Variants in PDE4D observed in about 807,000 individuals in gnomAD.
PDE4D encodes phosphodiesterase 4D.
In PDE4D, 24 loss-of-function variants were observed where a neutral mutation model predicts 87.4. The ratio of observed to expected loss-of-function variants is 0.27; its 90% CI spans 0.20 to 0.39. PDE4D has a LOEUF of 0.39. Among genes scored for constraint, PDE4D ranks in the 10% least tolerant of loss-of-function variants. The pLI is 1.00. For synonymous variants in PDE4D, 384 were observed against 383.2 expected, an observed-to-expected ratio of 1.00 and a Z score of -0.02; for missense variants, 714 against 1,041.0, an observed-to-expected ratio of 0.69 and a Z score of 4.32.
At chr5:60,079,855 C>T (rs767816450) in intron 2 of PDE4D, among the ~76,000 whole-genome samples, 40 of 151,894 alleles carry the variant, frequency 2.6e-4, no homozygotes, top group Non-Finnish European at 4.3e-4. Context: ...TTTTGGCCAT[C>T]CAAAGTCTTA....
intron 2 of PDE4D, among the ~76,000 whole-genome samples, chr5:60,050,627 C>T (rs1009815833): frequency 5.9e-5 from 9 of 152,152 alleles, no homozygotes; most frequent in Non-Finnish European, 1.2e-4. Flanking sequence ...ACTGCATCAA[C>T]TAATGGGCAA....
At chr5:60,082,997 T>C (rs1774129185) in intron 2 of PDE4D, among the ~76,000 whole-genome samples, 1 of 152,172 alleles carries the variant, frequency 6.6e-6, no homozygotes, top group African/African-American at 2.4e-5. Flanking sequence ...GGTAGCCCCC[T>C]TTATTACTCT....
At chr5:59,636,053 C>T (rs1486543480) in intron 1 of PDE4D, among the ~76,000 whole-genome samples, 2 of 150,984 alleles carry the variant, frequency 1.3e-5, no homozygotes, top group African/African-American at 4.9e-5. Flanking sequence ...GATAAAAACT[C>T]AATGTACAAA....
chr5:60,370,872 C>T (rs1222703871), intron 1 of PDE4D, among the ~76,000 whole-genome samples: 2 of 151,792 alleles, frequency 1.3e-5, no homozygotes, highest in South Asian at 2.1e-4. Flanking sequence ...AGAGAGAAGG[C>T]GATTTTAGTA....
chr5:60,045,973 G>A lies in PDE4D; in HGVS notation c.43-57256C>T, dbSNP rs185732700. Among the ~76,000 whole-genome samples, 1,096 of 152,208 alleles carry A rather than the reference G, an allele frequency of 7.2e-3. 9 individuals are homozygous for A. Among genetic ancestry groups the A allele is most frequent in the African/African-American group, 0.024 (1,017 of 41,514 alleles). On this transcript the variant is annotated intron_variant, in intron 2 of 16. Coordinates refer to the PDE4D transcript ENST00000502484. The stretch of plus-strand genomic sequence containing the variant: ...CCTTGGGCAGTATGGCCATTTTCAC[G>A]ATATTGATTCTTCCTACCCATGAGC...
intron 1 of PDE4D, among the ~76,000 whole-genome samples, chr5:60,221,268 A>T (rs550531324): frequency 6.6e-5 from 10 of 152,286 alleles, no homozygotes; most frequent in Middle Eastern, 3.4e-3. Context: ...ACTGGGAAGT[A>T]CATCAAAATA....
chr5:59,916,479 CAT>C (rs1172781637), intron 3 of PDE4D, among the ~76,000 whole-genome samples: 1 of 152,194 alleles, frequency 6.6e-6, no homozygotes, highest in Non-Finnish European at 1.5e-5. Context: ...CTGGTCAAAA[CAT>C]GTGCCAACTG....
chr5:60,116,945 C>A (rs746188358), intron 2 of PDE4D, among the ~76,000 whole-genome samples: 2 of 151,934 alleles, frequency 1.3e-5, no homozygotes, highest in Non-Finnish European at 2.9e-5. Flanking sequence ...GAATAAAACA[C>A]CTTACTTTCA....
intron 1 of PDE4D, among the ~76,000 whole-genome samples, chr5:59,308,901 C>A (rs1036899172): frequency 6.6e-6 from 1 of 151,842 alleles, no homozygotes; most frequent in African/African-American, 2.4e-5. Flanking sequence ...CTCAGACTCT[C>A]CTTGGGTGAG....
rs1748387181 is a variant in PDE4D, at chr5:58,993,415, C to A, written c.972G>T (p.Arg324=). 1 of 1,600,596 alleles carries A rather than the reference C, an allele frequency of 6.2e-7. No homozygotes were observed. Among genetic ancestry groups the A allele is most frequent in the Non-Finnish European group, 8.5e-7 (1 of 1,174,258 alleles). The change falls in exon 7 of 15, where the codon CGG becomes CGT. Residue 324 remains arginine, a synonymous_variant. Transcript: ENST00000340635. The part of the protein sequence containing the change: ...RELTHLSEMS[R]SGNQVSEFIS... ...TAAACTCTGACACTTGATTTCCAGA[C>A]CGACTCATTTCAGAGAGATGGGTGA... is the stretch of plus-strand genomic sequence containing the variant.
intron 1 of PDE4D, among the ~76,000 whole-genome samples, chr5:59,645,004 G>A (rs1742214949): frequency 6.6e-6 from 1 of 152,176 alleles, no homozygotes; most frequent in South Asian, 2.1e-4. Flanking sequence ...TCAATGACTG[G>A]AGTGATTTAA....
At chr5:60,440,661 G>A (rs1296494267) in intron 1 of PDE4D, among the ~76,000 whole-genome samples, 2 of 152,106 alleles carry the variant, frequency 1.3e-5, no homozygotes, top group African/African-American at 4.8e-5. Flanking sequence ...TGCACAATGT[G>A]TTTAGAAATA....
chr5:59,761,382 A>T lies in PDE4D; in HGVS notation c.455+131786T>A, dbSNP rs373521528. Among the ~76,000 whole-genome samples, 7 of 152,216 alleles carry T rather than the reference A, an allele frequency of 4.6e-5. No individual in the cohort carries two copies. In the South Asian group the frequency reaches 1.0e-3, roughly 23 times the overall value. On this transcript the variant is annotated intron_variant, in intron 1 of 14. Coordinates refer to ENST00000340635, the MANE Select transcript of PDE4D (RefSeq NM_001104631.2). ...ATTTATAAATATTTTTATTTCTTTG[A>T]TATAAGTTAATTTTGGTTACTGTAA...
At chr5:59,258,803 G>T (rs1761453920) in intron 1 of PDE4D, among the ~76,000 whole-genome samples, 2 of 149,904 alleles carry the variant, frequency 1.3e-5, no homozygotes, top group Non-Finnish European at 3.0e-5. Flanking sequence ...TAGAATATAA[G>T]ATATATATAT....
chr5:59,955,671 G>A (rs1044895694), intron 3 of PDE4D, among the ~76,000 whole-genome samples: 9 of 152,158 alleles, frequency 5.9e-5, no homozygotes, highest in African/African-American at 2.2e-4. Context: ...TATAAGGATT[G>A]CCTCTTGTAG....
At chr5:59,250,474 C>T (rs1759722052) in intron 1 of PDE4D, among the ~76,000 whole-genome samples, 1 of 137,322 alleles carries the variant, frequency 7.3e-6, no homozygotes. Context: ...GCTTGGGTAA[C>T]AGAGCAAGAT....
chr5:59,521,110 T>TAA (rs11347219), intron 1 of PDE4D, among the ~76,000 whole-genome samples: 27 of 142,636 alleles, frequency 1.9e-4, no homozygotes, highest in Admixed American at 4.8e-4. Context: ...AGGAGATCAC[T>TAA]AAAAAAAAAA....
intron 1 of PDE4D, among the ~76,000 whole-genome samples, chr5:59,355,611 CAAAT>C (rs1342594377): frequency 6.6e-6 from 1 of 151,968 alleles, no homozygotes; most frequent in Non-Finnish European, 1.5e-5. Context: ...ACAAACATAA[CAAAT>C]AAATCATTAT....
At chr5:59,845,796 G>A (rs1743753796) in intron 1 of PDE4D, among the ~76,000 whole-genome samples, 1 of 152,010 alleles carries the variant, frequency 6.6e-6, no homozygotes, top group African/African-American at 2.4e-5. Context: ...AAATCACTTA[G>A]AGTGAATAAA....
Sources: gnomAD v4.1 joint callset for allele counts (sites outside exome capture counted in the v4.1 genomes callset) on GRCh38, gnomAD v4.1.1 for gene constraint, MANE v1.5 for transcripts, NCBI Gene and HGNC (gene_info 2026-07-23, HGNC 2026-07-21) for gene names.